The following MYOF variants were observed in gnomAD, a reference collection of about 807,000 sequenced individuals.
The protein encoded by MYOF is myoferlin, also known as fer-1-like 3, myoferlin.
Under a neutral mutation model 284.2 loss-of-function variants are expected in MYOF, and 244 were observed. The ratio of observed to expected loss-of-function variants is 0.86; its 90% CI spans 0.77 to 0.95. The LOEUF (loss-of-function observed/expected upper bound fraction) is 0.95. MYOF is among the 40% of genes least tolerant of loss of function. The probability of loss-of-function intolerance (pLI) is 0.00; values close to 1 mark genes in which losing one functional copy is unlikely to be tolerated. For missense variants in MYOF, 2,496 were observed against 2,560.6 expected (o/e 0.97, Z 0.54); for synonymous variants, 904 against 919.7 (o/e 0.98, Z 0.31).
At chr10:93,465,538 C>CTTTTCTTTTTTTTTTTTTTTTTTTT (rs1316526970) in intron 1 of MYOF, among the ~76,000 whole-genome samples, 1 of 112,164 alleles carries the variant, frequency 8.9e-6, no homozygotes. Context: ...TTTTTCTTTT[C>CTTTTCTTTTTTTTTTTTTTTTTTTT]TTTTTTTTTT....
intron 3 of MYOF, among the ~76,000 whole-genome samples, chr10:93,437,388 T>TA (rs1420964752): frequency 6.6e-6 from 1 of 151,876 alleles, no homozygotes; most frequent in Non-Finnish European, 1.5e-5. Flanking sequence ...CTGGAGTGAG[T>TA]AAGGGCTTTG....
In MYOF at chr10:93,428,267, G is replaced by T. The variant is rs1215330501; in HGVS notation, c.346-2109C>A. On this transcript the variant is annotated intron_variant, in intron 4 of 53. Coordinates refer to ENST00000359263, the MANE Select transcript of MYOF (RefSeq NM_013451.4). ...GCTGGAGCACAATGGCACAATCTCA[G>T]CTCACTGCAGCCTCCGCCTCACACC... is the stretch of plus-strand genomic sequence containing the variant. Among the ~76,000 whole-genome samples the T allele has an allele frequency of 2.0e-5, 3 of 150,042 alleles. No individual in the cohort carries two copies. In the East Asian group the frequency reaches 5.9e-4, roughly 29 times the overall value.
chr10:93,441,520 G>A (rs531547331), intron 3 of MYOF, among the ~76,000 whole-genome samples: 114 of 150,872 alleles, frequency 7.6e-4, no homozygotes, highest in Middle Eastern at 7.0e-3. Context: ...GAGTAGCTGG[G>A]ATTACAGGTG....
rs1375634150 is a variant in MYOF at position 93,310,564 on chromosome 10, G to A, written c.5969C>T (p.Pro1990Leu). 1.2e-6 allele frequency: 2 copies of A among 1,613,512 alleles called. No individual in the cohort carries two copies. The highest frequency in any genetic ancestry group is 8.5e-7 in the Non-Finnish European group (1 of 1,179,792). Residue 1990 changes from proline to leucine, a missense_variant, in exon 52 of 54, where the codon CCC becomes CTC. Physicochemically the swap from Pro to Leu is moderately conservative, Grantham distance 98. Transcript: ENST00000359263. ...ERPAGKGRDE[P>L]NMNPKLDLPN... ...TAAGTCCAGCTTGGGGTTCATGTTG[G>A]GTTCGTCCCGCCCCTTCCCGGCTGG...
intron 7 of MYOF, among the ~76,000 whole-genome samples, chr10:93,405,276 T>C (rs1847501424): frequency 1.3e-5 from 2 of 152,150 alleles, no homozygotes; most frequent in South Asian, 4.1e-4. Flanking sequence ...TCTAACAGAG[T>C]CAATTTTCAA....
Position 93,349,823 on chromosome 10 carries a change from A to G in MYOF, c.4068T>C (p.Val1356=). 1 of 1,614,044 alleles carries G rather than the reference A, an allele frequency of 6.2e-7. No homozygotes were observed. The highest frequency in any genetic ancestry group is 1.3e-5 in the African/African-American group (1 of 75,008). ...LKKTPNFPSS[V]LFMKVFLPKE... ...GATACTGTACCACTTTCATGAAGAGAACAGAACTTGGAAAGTTGGGTGTCT... is the reference window on the plus strand; with the variant it reads ...GATACTGTACCACTTTCATGAAGAGGACAGAACTTGGAAAGTTGGGTGTCT... The change falls in exon 36 of 54, where the codon GTT becomes GTC. Residue 1356 remains valine, a synonymous_variant. Coordinates refer to ENST00000359263, the MANE Select transcript of MYOF (RefSeq NM_013451.4).
At chr10:93,407,320 C>A (rs758902667) in intron 7 of MYOF, among the ~76,000 whole-genome samples, 1 of 141,924 alleles carries the variant, frequency 7.0e-6, no homozygotes, top group Non-Finnish European at 1.5e-5. Flanking sequence ...CAGCTACTTG[C>A]GAGGCTGAGG....
intron 3 of MYOF, among the ~76,000 whole-genome samples, chr10:93,434,686 A>T (rs1244959271): frequency 2.6e-5 from 4 of 152,210 alleles, no homozygotes; most frequent in African/African-American, 4.8e-5. Flanking sequence ...CAAAACAATA[A>T]ATTATCTTTT....
In MYOF at chr10:93,379,914, A is replaced by G. The variant is rs907118831; in HGVS notation, c.1950T>C (p.Ile650=). The change falls in exon 21 of 54, where the codon ATT becomes ATC. Residue 650 remains isoleucine, a synonymous_variant. Transcript: ENST00000359263. ...VVTLTSYWED[I]SHRLDAVNTL... Reference sequence around the variant, plus strand: ...TGTTCACCGCATCCAGGCGATGACTAATATCCTCCCAGTATGAAGTCAGGG... The same window carrying G: ...TGTTCACCGCATCCAGGCGATGACTGATATCCTCCCAGTATGAAGTCAGGG... 6 of 1,614,008 alleles carry G rather than the reference A, an allele frequency of 3.7e-6. No individual in the cohort carries two copies. The East Asian group carries it at 6.7e-5, about 18-fold the overall frequency.
At chr10:93,444,317 C>G (rs1185859731) in intron 3 of MYOF, among the ~76,000 whole-genome samples, 1 of 152,170 alleles carries the variant, frequency 6.6e-6, no homozygotes, top group Non-Finnish European at 1.5e-5. Context: ...GCTGGTCTTA[C>G]GGCATTGAAC....
At chr10:93,325,000 G>A (rs1036355717) in intron 46 of MYOF, among the ~76,000 whole-genome samples, 6 of 152,006 alleles carry the variant, frequency 3.9e-5, no homozygotes, top group East Asian at 1.9e-4. Context: ...GGCTGGTCTC[G>A]AACTCCTGAC....
chr10:93,436,022 T>C (rs1024142986), intron 3 of MYOF, among the ~76,000 whole-genome samples: 3 of 151,836 alleles, frequency 2.0e-5, no homozygotes, highest in African/African-American at 7.3e-5. Context: ...TCTAGAATGC[T>C]AGGCAGGGTT....
chr10:93,441,564 T>C (rs1005373215), intron 3 of MYOF, among the ~76,000 whole-genome samples: 2 of 145,102 alleles, frequency 1.4e-5, no homozygotes, highest in African/African-American at 5.1e-5. Flanking sequence ...TTTGTATCTT[T>C]TTTTTTTTTT....
chr10:93,397,459 G>A lies in MYOF; in HGVS notation c.1222-3C>T. ...TTCTCAATTATGTTTGTACAAACCT[G>A]TAAAATCACCAAAGCAAAAGTGTAG... is the stretch of plus-strand genomic sequence containing the variant. On this transcript the variant is annotated splice_region_variant and splice_polypyrimidine_tract_variant and intron_variant, in intron 13 of 53. Transcript: ENST00000359263. 1.2e-6 allele frequency: 2 copies of A among 1,602,206 alleles called. No homozygotes were observed. Among genetic ancestry groups the A allele is most frequent in the Non-Finnish European group, 1.7e-6 (2 of 1,176,242 alleles).
At chr10:93,409,543 C>A (rs1238073212) in intron 6 of MYOF, 30 bp downstream of exon 6, 2 of 1,604,784 alleles carry the variant, frequency 1.2e-6, no homozygotes, top group African/African-American at 2.7e-5. Flanking sequence ...AAAGATTAAA[C>A]AAAGAAGCAG....
chr10:93,426,425 G>A (rs1848593177), intron 4 of MYOF, among the ~76,000 whole-genome samples: 1 of 152,170 alleles, frequency 6.6e-6, no homozygotes, highest in Admixed American at 6.5e-5. Context: ...ACAGAGTAAA[G>A]TTGTGACAAG....
rs1432457271 is a variant in MYOF, at chr10:93,418,874, T to G, written c.433+7197A>C. Among the ~76,000 whole-genome samples the G allele has an allele frequency of 3.3e-5, 5 of 152,316 alleles. No individual in the cohort carries two copies. In the East Asian group the frequency reaches 9.6e-4, roughly 29 times the overall value. On this transcript the variant is annotated intron_variant, in intron 5 of 53. Coordinates refer to ENST00000359263, the MANE Select transcript of MYOF (RefSeq NM_013451.4). ...TAAATATCCTAGAGAAAAATTGGAC[T>G]AATATAATCAGTTTACTAGACAAAG...
At chr10:93,455,802 A>G (rs1278996917) in intron 2 of MYOF, among the ~76,000 whole-genome samples, 5 of 152,202 alleles carry the variant, frequency 3.3e-5, no homozygotes, top group Non-Finnish European at 7.3e-5. Flanking sequence ...AAAGACATTC[A>G]TTATTGCTCT....
intron 5 of MYOF, among the ~76,000 whole-genome samples, chr10:93,415,535 A>G (rs1486161496): frequency 5.3e-5 from 8 of 152,176 alleles, no homozygotes; most frequent in Non-Finnish European, 1.2e-4. Context: ...AAAGCTTCCA[A>G]CACCCTTTCT....
Sources: allele counts gnomAD v4.1 joint callset (sites outside exome capture counted in the v4.1 genomes callset), GRCh38; gene constraint gnomAD v4.1.1; transcripts MANE v1.5; gene names NCBI Gene and HGNC (gene_info 2026-07-23, HGNC 2026-07-21).